Variants in ZGRF1 observed in about 807,000 individuals in gnomAD.
ZGRF1 encodes the protein zinc finger GRF-type containing 1, also known as 5'-3' DNA helicase ZGRF1.
Under a neutral mutation model 203.5 loss-of-function variants are expected in ZGRF1, and 196 were observed. The ratio of observed to expected loss-of-function variants is 0.96; its 90% CI spans 0.86 to 1.08. The LOEUF is 1.08. Ranked by LOEUF, ZGRF1 falls within the 50% of genes least tolerant of loss-of-function variation. ZGRF1 has a pLI of 0.00. For synonymous variants in ZGRF1, 809 were observed against 841.3 expected (o/e 0.96, Z 0.66); for missense variants, 2,326 against 2,416.3 (o/e 0.96, Z 0.78).
chr4:112,546,743 T>C (rs1738854770), intron 24 of ZGRF1: 1 of 152,170 alleles, frequency 6.6e-6, no homozygotes, highest in Non-Finnish European at 1.5e-5. Flanking sequence ...AAGGATGAGT[T>C]TGGCCTCTCA....
In ZGRF1 at chr4:112,617,567, G is replaced by A. The variant is rs780438924; in HGVS notation, c.2475C>T (p.Thr825=). ...CACATAGCGACTTTAAAATAGAAATGGTATTTACTAATCCAGAAAGTTCTG... is the reference window on the plus strand; with the variant it reads ...CACATAGCGACTTTAAAATAGAAATAGTATTTACTAATCCAGAAAGTTCTG... ...NSSELSGLVN[T]ISILKSLCEH... Residue 825 remains threonine, a synonymous_variant, in exon 6 of 28, where the codon ACC becomes ACT. Transcript: ENST00000505019. The A allele has an allele frequency of 1.2e-6, 2 of 1,613,524 alleles. No individual in the cohort carries two copies. The highest frequency in any genetic ancestry group is 1.3e-5 in the African/African-American group (1 of 74,978).
rs749645569 is a variant in ZGRF1 at position 112,618,591 on chromosome 4, T to C, written c.1451A>G (p.His484Arg). ...ATTATTACTAGATTCAATTTGGAGATGTTTCAGTTCTGGCAGAGATGACTC... is the reference window on the plus strand; with the variant it reads ...ATTATTACTAGATTCAATTTGGAGACGTTTCAGTTCTGGCAGAGATGACTC... ...QSESSLPELK[H>R]LQIESSNNSR... The change falls in exon 6 of 28, where the codon CAT becomes CGT. Residue 484 changes from histidine (H) to arginine (R), a missense_variant. By Grantham distance (29) the His-to-Arg change is conservative (BLOSUM62 0). Coordinates refer to ENST00000505019, the MANE Select transcript of ZGRF1 (RefSeq NM_018392.5). The C allele has an allele frequency of 3.1e-6, 5 of 1,613,696 alleles. No homozygotes were observed. The African/African-American group carries it at 6.7e-5, about 22-fold the overall frequency.
At chr4:112,619,962 A>G (rs1017079135) in intron 5 of ZGRF1, 40 bp downstream of exon 5, 20 of 1,426,698 alleles carry the variant, frequency 1.4e-5, no homozygotes, top group Admixed American at 7.3e-5. Flanking sequence ...ACAATTTTAT[A>G]AATATATTTT....
At chr4:112,561,954 C>T (rs1490061250) in intron 18 of ZGRF1, among the ~76,000 whole-genome samples, 3 of 114,698 alleles carry the variant, frequency 2.6e-5, no homozygotes, top group Admixed American at 2.5e-4. Flanking sequence ...TCACTTGTTG[C>T]CCAGGCTGGG....
At chr4:112,545,647 A>G (rs1738596024) in intron 24 of ZGRF1, among the ~76,000 whole-genome samples, 1 of 152,228 alleles carries the variant, frequency 6.6e-6, no homozygotes, top group African/African-American at 2.4e-5. Context: ...TTGAACTGAA[A>G]GCAGGGATTT....
intron 16 of ZGRF1, among the ~76,000 whole-genome samples, chr4:112,569,603 T>C (rs1283833411): frequency 3.9e-5 from 6 of 152,196 alleles, no homozygotes; most frequent in East Asian, 3.9e-4. Flanking sequence ...ATCTGTTTTA[T>C]TGGGGGCAGG....
intron 6 of ZGRF1, among the ~76,000 whole-genome samples, chr4:112,615,321 G>A (rs577817100): frequency 1.1e-4 from 17 of 152,060 alleles, no homozygotes; most frequent in South Asian, 4.2e-4. Context: ...TCTGCCTCAC[G>A]GGTTCAAGCT....
In ZGRF1 at chr4:112,618,265, T is replaced by A; in HGVS notation, c.1777A>T (p.Thr593Ser). The A allele has an allele frequency of 6.2e-7, 1 of 1,613,886 alleles. No individual in the cohort carries two copies. The highest frequency in any genetic ancestry group is 8.5e-7 in the Non-Finnish European group (1 of 1,179,858). The stretch of plus-strand genomic sequence containing the variant: ...ACTGTAGGTTTGTCACTAACAGATG[T>A]TAAGAATGGCAAATGTTCACCCTCA... ...EIEGEHLPFL[T>S]SVSDKPTVTF... Residue 593 changes from threonine to serine, a missense_variant, in exon 6 of 28, where the codon ACA becomes TCA. By Grantham distance (58) the Thr-to-Ser change is moderately conservative. Transcript: ENST00000505019.
chr4:112,589,826 A>T lies in ZGRF1; in HGVS notation c.3025T>A (p.Phe1009Ile). ...NISTLSPVST[F>I]SLNSRDEDFM... The stretch of plus-strand genomic sequence containing the variant: ...TCTTCATCTCTTGAGTTCAAAGAAA[A>T]GGTAGAAACAGGGCTCAATGTAGAG... The change falls in exon 11 of 28, where the codon TTT becomes ATT. Residue 1009 changes from phenylalanine (F) to isoleucine (I), a missense_variant. Transcript: ENST00000505019. 6.2e-7 allele frequency: 1 copy of T among 1,613,180 alleles called. No individual in the cohort carries two copies. Among genetic ancestry groups the T allele is most frequent in the Non-Finnish European group, 8.5e-7 (1 of 1,179,496 alleles).
At chr4:112,630,070 A>T (rs138384678) in intron 3 of ZGRF1, 362 of 162,622 alleles carry the variant, frequency 2.2e-3, no homozygotes, top group African/African-American at 8.3e-3. Flanking sequence ...TTGCTTGAAC[A>T]TTAAGCTAAA....
rs758457653 is a variant in ZGRF1 at position 112,539,505 on chromosome 4, GTC to G, written c.*40_*41del. The G allele has an allele frequency of 2.8e-5, 27 of 975,652 alleles. No homozygotes were observed. In the Admixed American group the frequency reaches 4.8e-4, roughly 17 times the overall value. The allele number at this position is 975,652 out of a possible 1,614,324, so 60.4% of individuals were successfully genotyped here. On this transcript the variant is annotated 3_prime_UTR_variant, in exon 28 of 28. Coordinates refer to ENST00000505019, the MANE Select transcript of ZGRF1 (RefSeq NM_018392.5). ...ATAAAAAATATATCATGTAAAATGA[GTC>G]TGAATTTACATAAATACAAAATATT... is the stretch of plus-strand genomic sequence containing the variant.
chr4:112,566,755 T>A (rs1208193391), intron 16 of ZGRF1, among the ~76,000 whole-genome samples: 1 of 151,974 alleles, frequency 6.6e-6, no homozygotes, highest in Non-Finnish European at 1.5e-5. Context: ...GGGGTTTGTG[T>A]CCCTGAAGTG....
At chr4:112,553,606 G>A (rs115828964) in intron 22 of ZGRF1, among the ~76,000 whole-genome samples, 4,271 of 152,270 alleles carry the variant, frequency 0.028, 94 homozygotes, top group Middle Eastern at 0.095. Flanking sequence ...AGGATGACTC[G>A]GTCATGGTGA....
chr4:112,623,850 T>C lies in ZGRF1; in HGVS notation c.129A>G (p.Ala43=), dbSNP rs750769342. Residue 43 remains alanine (A), a synonymous_variant, in exon 4 of 28, where the codon GCA becomes GCG. Transcript: ENST00000505019. ...ATTTAAGAAACAGACTCTCCAAACA[T>C]GCTCCTTTGTCATCATATAAAATTG... ...NKAILYDDKG[A]CLESLFLKCL... is the part of the protein sequence containing the mutation. The C allele has an allele frequency of 3.8e-6, 6 of 1,585,716 alleles. No homozygotes were observed. In the African/African-American group the frequency reaches 5.4e-5, roughly 14 times the overall value.
At chr4:112,568,028 G>A (rs976203773) in intron 16 of ZGRF1, among the ~76,000 whole-genome samples, 3 of 152,146 alleles carry the variant, frequency 2.0e-5, no homozygotes, top group Non-Finnish European at 2.9e-5. Flanking sequence ...GAATACATTT[G>A]AGGAATCAAT....
chr4:112,583,833 C>T (rs1746693803), intron 15 of ZGRF1, 145 bp downstream of exon 15: 3 of 514,102 alleles, frequency 5.8e-6, no homozygotes, highest in Admixed American at 7.3e-5. Context: ...AAGACTTATT[C>T]CCATTTTGCA....
intron 16 of ZGRF1, among the ~76,000 whole-genome samples, chr4:112,569,439 T>A (rs1180155861): frequency 6.6e-6 from 1 of 152,182 alleles, no homozygotes; most frequent in Non-Finnish European, 1.5e-5. Flanking sequence ...GCTCCTCAGC[T>A]CTTTTTGGGA....
Position 112,620,117 on chromosome 4 carries a change from A to G in ZGRF1, c.236T>C (p.Ile79Thr). 4 of 1,613,586 alleles carry G rather than the reference A, an allele frequency of 2.5e-6. No individual in the cohort carries two copies. Among genetic ancestry groups the G allele is most frequent in the Middle Eastern group, 1.7e-4 (1 of 6,060 alleles). The change falls in exon 5 of 28, where the codon ATA becomes ACA. Residue 79 changes from isoleucine to threonine, a missense_variant. Physicochemically the swap from Ile to Thr is moderately conservative, Grantham distance 89. Transcript: ENST00000505019. ...ATTGACATTCTGCTTAACAATACCT[A>G]TGGCTCCAGCAACTTTAACCTCTTC... ...TVEEVKVAGA[I>T]GIVKQNVNKE... is the part of the protein sequence containing the mutation.
At chr4:112,586,250 AAG>A (rs1437474249) in intron 13 of ZGRF1, among the ~76,000 whole-genome samples, 193 bp downstream of exon 13, 2 of 152,088 alleles carry the variant, frequency 1.3e-5, no homozygotes, top group Admixed American at 6.6e-5. Context: ...AAAAAAAAAA[AAG>A]AAGATTGTAA....
Sources: gnomAD v4.1 joint callset for allele counts (sites outside exome capture counted in the v4.1 genomes callset) on GRCh38, gnomAD v4.1.1 for gene constraint, MANE v1.5 for transcripts, NCBI Gene and HGNC (gene_info 2026-07-23, HGNC 2026-07-21) for gene names.